SLC35D2: variants seen among roughly 807,000 people sequenced by gnomAD.
SLC35D2 encodes nucleotide sugar transporter SLC35D2.
SLC35D2 carries 43 observed loss-of-function variants against 41.8 expected under a neutral mutation model. The ratio of observed to expected loss-of-function variants is 1.03; its 90% confidence interval spans 0.81 to 1.33. SLC35D2 has a LOEUF of 1.33. SLC35D2 is among the 40% of genes most tolerant of loss of function. The pLI is 0.00. For synonymous variants in SLC35D2, 150 were observed against 163.9 expected, an observed-to-expected ratio of 0.92 and a Z score of 0.65; for missense variants, 380 against 408.4, an observed-to-expected ratio of 0.93 and a Z score of 0.60.
At chr9:96,349,273 C>T (rs140737673) in intron 6 of SLC35D2, among the ~76,000 whole-genome samples, 3 of 152,282 alleles carry the variant, frequency 2.0e-5, no homozygotes, top group Non-Finnish European at 4.4e-5. Flanking sequence ...AATATAATGT[C>T]TGCCTCTCGG....
intron 2 of SLC35D2, among the ~76,000 whole-genome samples, chr9:96,367,410 C>G (rs1301261806): frequency 6.6e-6 from 1 of 152,004 alleles, no homozygotes; most frequent in East Asian, 1.9e-4. Context: ...ATCTGGAAAT[C>G]ACCAGTATAC....
At chr9:96,313,858 A>AG (rs1013674759) in exon 12 of SLC35D2, 7 of 152,448 alleles carry the variant, frequency 4.6e-5, no homozygotes, top group Admixed American at 2.6e-4. Context: ...AGCTGGGGCA[A>AG]GGGTAATGGG....
At chr9:96,328,898 G>C (rs1478266830) in intron 9 of SLC35D2, among the ~76,000 whole-genome samples, 1 of 151,980 alleles carries the variant, frequency 6.6e-6, no homozygotes, top group Non-Finnish European at 1.5e-5. Context: ...TGCCAGCCTG[G>C]ACAACATGGT....
In SLC35D2 at chr9:96,358,080, T is replaced by TATATATATATATATATATA. The variant is rs1554715405; in HGVS notation, c.347+2073_347+2074insTATATATATATATATATAT. Among the ~76,000 whole-genome samples, 495 of 122,518 alleles carry TATATATATATATATATATA rather than the reference T, an allele frequency of 4.0e-3. 18 individuals carry two copies. The highest frequency in any genetic ancestry group is 5.9e-3 in the Non-Finnish European group (373 of 62,808). 80.4% of individuals were successfully genotyped at this position (122,518 alleles called of 152,430 possible). On this transcript the variant is annotated intron_variant, in intron 4 of 11. Transcript: ENST00000253270. The stretch of plus-strand genomic sequence containing the variant: ...ATGGATAAACAAAATATTATATATT[T>TATATATATATATATATATA]TATATATATATATATATATATATAT...
Position 96,321,189 on chromosome 9 carries a change from A to T in SLC35D2, c.*53T>A. The T allele has an allele frequency of 1.5e-6, 2 of 1,351,108 alleles. No individual in the cohort carries two copies. The highest frequency in any genetic ancestry group is 2.1e-6 in the Non-Finnish European group (2 of 946,582). 83.7% of individuals were successfully genotyped at this position (1,351,108 alleles called of 1,614,324 possible). On this transcript the variant is annotated 3_prime_UTR_variant, in exon 12 of 12. Transcript: ENST00000253270. ...CTCTGGCTTCACATTCCTACTGGGAATGCCCCCCCAGCCCGCAGTCACAAG... is the reference window on the plus strand; with the variant it reads ...CTCTGGCTTCACATTCCTACTGGGATTGCCCCCCCAGCCCGCAGTCACAAG...
In SLC35D2 at chr9:96,370,208, T is replaced by C. The variant is rs547105527; in HGVS notation, c.159-1903A>G. On this transcript the variant is annotated intron_variant, in intron 1 of 11. Transcript: ENST00000253270. ...CTCAAGGCCCCTGGGATGAGGCCTT[T>C]GCTGTGACTGCCTCAGAGCCCAACT... 2.3e-4 allele frequency among the ~76,000 whole-genome samples: 35 copies of C among 152,318 alleles called. 1 individual carries two copies. In the South Asian group the frequency reaches 6.6e-3, roughly 29 times the overall value.
chr9:96,343,218 G>C (rs951938697), intron 8 of SLC35D2, among the ~76,000 whole-genome samples: 1 of 152,142 alleles, frequency 6.6e-6, no homozygotes, highest in Non-Finnish European at 1.5e-5. Flanking sequence ...GGCCTCCACC[G>C]CTCCACTGGG....
chr9:96,361,192 G>T (rs995792742), intron 3 of SLC35D2, among the ~76,000 whole-genome samples: 1 of 152,114 alleles, frequency 6.6e-6, no homozygotes, highest in Non-Finnish European at 1.5e-5. Context: ...ATGCCCCAGG[G>T]GCCAGCAGTT....
rs1249306487 is a variant in SLC35D2 at position 96,383,525 on chromosome 9, C to G, written c.110G>C (p.Cys37Ser). Residue 37 changes from cysteine (C) to serine (S), a missense_variant, in exon 1 of 12, where the codon TGC becomes TCC. Coordinates refer to ENST00000253270, the MANE Select transcript of SLC35D2 (RefSeq NM_007001.3). ...GTTGACAAGCACGATGAGGAAGGAG[C>G]AGGTCCCGTAGAAGAGCGCCGACAG... ...RLLSALFYGTCSFLIVLVNKA... is the reference protein window; with the variant it reads ...RLLSALFYGTSSFLIVLVNKA... 3 of 1,527,402 alleles carry G rather than the reference C, an allele frequency of 2.0e-6. No individual in the cohort carries two copies. Among genetic ancestry groups the G allele is most frequent in the African/African-American group, 1.4e-5 (1 of 69,742 alleles). The allele number at this position is 1,527,402 out of a possible 1,614,324, so 94.6% of individuals were successfully genotyped here. A position where few individuals can be genotyped will look rare whatever the true frequency, so the allele number is the denominator to read the frequency against.
Position 96,329,653 on chromosome 9 carries a change from G to C in SLC35D2, c.753-5484C>G, listed in dbSNP as rs138590414. Among the ~76,000 whole-genome samples, 82 of 152,340 alleles carry C rather than the reference G, an allele frequency of 5.4e-4. 1 individual carries two copies. Among genetic ancestry groups the C allele is most frequent in the African/African-American group, 1.9e-3 (78 of 41,594 alleles). ...GCATACGCTGTCCATTTGCAAGTTT[G>C]ATAATTGCTCAGCCATTGCAATTAA... is the stretch of plus-strand genomic sequence containing the variant. On this transcript the variant is annotated intron_variant, in intron 9 of 11. Coordinates refer to ENST00000253270, the MANE Select transcript of SLC35D2 (RefSeq NM_007001.3).
chr9:96,377,167 G>A (rs1830996564), intron 1 of SLC35D2, among the ~76,000 whole-genome samples: 1 of 151,588 alleles, frequency 6.6e-6, no homozygotes, highest in Non-Finnish European at 1.5e-5. Context: ...CAGCCTGCAG[G>A]GGAGATCTCG....
chr9:96,366,120 T>C (rs539093908), intron 2 of SLC35D2, among the ~76,000 whole-genome samples: 6 of 152,014 alleles, frequency 3.9e-5, no homozygotes, highest in Non-Finnish European at 7.4e-5. Flanking sequence ...CTGGGCATCA[T>C]GGCGAAACCC....
chr9:96,315,711 G>A (rs985314567), downstream of SLC35D2, among the ~76,000 whole-genome samples: 1 of 152,150 alleles, frequency 6.6e-6, no homozygotes, highest in Non-Finnish European at 1.5e-5. Flanking sequence ...GGGATTACAG[G>A]TGTGAGCCAC....
intron 11 of SLC35D2, among the ~76,000 whole-genome samples, chr9:96,315,684 C>T (rs908149690): frequency 2.0e-5 from 3 of 152,084 alleles, no homozygotes; most frequent in African/African-American, 2.4e-5. Flanking sequence ...CCACCCGCCT[C>T]GGCCTCCCAA....
At chr9:96,340,256 C>T (rs1206328858) in intron 8 of SLC35D2, among the ~76,000 whole-genome samples, 2 of 151,980 alleles carry the variant, frequency 1.3e-5, no homozygotes, top group African/African-American at 2.4e-5. Context: ...GGGTTGATGG[C>T]TTTTTTCTTG....
At chr9:96,356,141 T>C (rs768801240) in intron 4 of SLC35D2, among the ~76,000 whole-genome samples, 1 of 152,218 alleles carries the variant, frequency 6.6e-6, no homozygotes, top group Admixed American at 6.5e-5. Flanking sequence ...GCACCCCCTC[T>C]CTTGCCATGG....
At chr9:96,381,674 C>T (rs1384114319) in intron 1 of SLC35D2, among the ~76,000 whole-genome samples, 2 of 152,192 alleles carry the variant, frequency 1.3e-5, no homozygotes, top group African/African-American at 2.4e-5. Context: ...GATGCAGCTC[C>T]GTGAAGTTAA....
intron 1 of SLC35D2, among the ~76,000 whole-genome samples, chr9:96,374,666 C>T (rs1290828003): frequency 6.7e-6 from 1 of 150,088 alleles, no homozygotes; most frequent in Non-Finnish European, 1.5e-5. Context: ...AACCCCATCT[C>T]TACTAAAAAA....
chr9:96,351,135 A>G lies in SLC35D2; in HGVS notation c.456T>C (p.Phe152=). 6.2e-7 allele frequency: 1 copy of G among 1,612,948 alleles called. No individual in the cohort carries two copies. The highest frequency in any genetic ancestry group is 8.5e-7 in the Non-Finnish European group (1 of 1,178,878). The change falls in exon 6 of 12, where the codon TTT becomes TTC. Residue 152 remains phenylalanine (F), a synonymous_variant. Coordinates refer to ENST00000253270, the MANE Select transcript of SLC35D2 (RefSeq NM_007001.3). ...CTATGAAAGCCCCGAGAATAATGGCAAAGACACTGAGGATGATGTTGAGTG... is the reference window on the plus strand; with the variant it reads ...CTATGAAAGCCCCGAGAATAATGGCGAAGACACTGAGGATGATGTTGAGTG... ...QYSLNIILSV[F]AIILGAFIAA... is the part of the protein sequence containing the mutation.
Sources: allele counts gnomAD v4.1 joint callset (sites outside exome capture counted in the v4.1 genomes callset), GRCh38; gene constraint gnomAD v4.1.1; transcripts MANE v1.5; gene names NCBI Gene and HGNC (gene_info 2026-07-23, HGNC 2026-07-21).